The following LRPAP1 variants were observed in gnomAD, a reference collection of about 807,000 sequenced individuals.
LRPAP1 encodes the protein alpha-2-macroglobulin receptor-associated protein.
A neutral mutation model predicts 39.9 loss-of-function variants in LRPAP1; 41 were observed. The ratio of observed to expected loss-of-function variants is 1.03; its 90% CI spans 0.80 to 1.33. The LOEUF is 1.33. Among genes scored for constraint, LRPAP1 ranks in the 40% most tolerant of loss-of-function variants. The pLI, the probability that LRPAP1 is intolerant of heterozygous loss-of-function variation, is 0.00. For synonymous variants in LRPAP1, 263 were observed against 212.7 expected, an observed-to-expected ratio of 1.24 and a Z score of -2.06; for missense variants, 565 against 482.3, an observed-to-expected ratio of 1.17 and a Z score of -1.61.
chr4:3,529,270 C>T (rs909833835), intron 1 of LRPAP1, among the ~76,000 whole-genome samples: 2 of 152,026 alleles, frequency 1.3e-5, no homozygotes, highest in Non-Finnish European at 2.9e-5. Context: ...TTGCAGTGAG[C>T]CGAGATCACG....
rs190269929 is a variant in LRPAP1, at chr4:3,511,491, C to G, written c.*1483G>C. ...GAAAAAAAAGAACCAGAATCCACCC[C>G]CCGCCCCACCAGCCACACACACACA... On this transcript the variant is annotated 3_prime_UTR_variant, in exon 8 of 8. Transcript: ENST00000650182. 6.6e-6 allele frequency: 1 copy of G among 152,222 alleles called. No individual in the cohort carries two copies. The highest frequency in any genetic ancestry group is 1.5e-5 in the Non-Finnish European group (1 of 68,090). 9.4% of individuals were successfully genotyped at this position (152,222 alleles called of 1,614,324 possible).
chr4:3,531,650 G>A (rs748547174), intron 1 of LRPAP1, among the ~76,000 whole-genome samples: 12 of 152,188 alleles, frequency 7.9e-5, no homozygotes, highest in South Asian at 2.1e-4. Flanking sequence ...TGAAGGAGAG[G>A]TCAGGTGAGC....
At position 3,506,953 on chromosome 4, in the gene LRPAP1, C is replaced by T. The variant is rs1354519960; in HGVS notation, c.*6021G>A. 1 of 152,216 alleles carries T rather than the reference C, an allele frequency of 6.6e-6. No homozygotes were observed. Among genetic ancestry groups the T allele is most frequent in the Non-Finnish European group, 1.5e-5 (1 of 68,034 alleles). 9.4% of individuals were successfully genotyped at this position (152,216 alleles called of 1,614,324 possible). A position where few individuals can be genotyped will look rare whatever the true frequency, so the allele number is the denominator to read the frequency against. ...ACCAGGCTGGGTGTGGCGGCTCCCG[C>T]CACCTGTAATCCTGGCACTCCGCGA... On this transcript the variant is annotated 3_prime_UTR_variant, in exon 8 of 8. Transcript: ENST00000650182.
intron 2 of LRPAP1, among the ~76,000 whole-genome samples, chr4:3,520,761 C>G (rs1329643584): frequency 6.6e-6 from 1 of 152,230 alleles, no homozygotes; most frequent in African/African-American, 2.4e-5. Flanking sequence ...CAGCTTCTAA[C>G]AAAAAGTTAC....
intron 2 of LRPAP1, among the ~76,000 whole-genome samples, chr4:3,522,464 G>A (rs1030938563): frequency 6.9e-6 from 1 of 145,836 alleles, no homozygotes; most frequent in African/African-American, 2.5e-5. Context: ...CAGGAGCACC[G>A]AGCCCTTAGA....
chr4:3,518,234 C>T lies in LRPAP1; in HGVS notation c.593-42G>A, dbSNP rs772712053. 1.5e-5 allele frequency: 23 copies of T among 1,580,194 alleles called. 1 individual carries two copies. The Admixed American group carries it at 1.7e-4, about 12-fold the overall frequency. ...AGGACGCCATGAGGCTGGGAGTCCT[C>T]GCACTGCCTGCCCAGACCACTGTCT... On this transcript the variant is annotated intron_variant, in intron 4 of 7. Coordinates refer to ENST00000650182, the MANE Select transcript of LRPAP1 (RefSeq NM_002337.4).
At position 3,518,194 on chromosome 4, in the gene LRPAP1, T is replaced by A; in HGVS notation, c.593-2A>T. 1 of 1,608,446 alleles carries A rather than the reference T, an allele frequency of 6.2e-7. No individual in the cohort carries two copies. The highest frequency in any genetic ancestry group is 8.5e-7 in the Non-Finnish European group (1 of 1,176,116). ...GGCTAATGACGTTCTCGTGGATTTC[T>A]GTAAAACCGAAGGCAGGACGCCATG... is the stretch of plus-strand genomic sequence containing the variant. On this transcript the variant is annotated splice_acceptor_variant, in intron 4 of 7. Transcript: ENST00000650182. LOFTEE classifies it high-confidence loss of function.
At chr4:3,515,487 G>A (rs1414579964) in intron 6 of LRPAP1, among the ~76,000 whole-genome samples, 2 of 152,152 alleles carry the variant, frequency 1.3e-5, no homozygotes, top group Non-Finnish European at 2.9e-5. Flanking sequence ...CTGGGGCCAG[G>A]AAAGTCCCAA....
Position 3,514,753 on chromosome 4 carries a change from G to C in LRPAP1, c.1010C>G (p.Thr337Arg), listed in dbSNP as rs140565543. Residue 337 changes from threonine (T) to arginine (R), a missense_variant and splice_region_variant, in exon 7 of 8, where the codon ACG becomes AGG. By Grantham distance (71) the Thr-to-Arg change is moderately conservative. Coordinates refer to ENST00000650182, the MANE Select transcript of LRPAP1 (RefSeq NM_002337.4). ...CCCGGTCCTGGAACCCGTGCGCACC[G>C]TGTAGCCCAGCTCCTTGGTCCGCCC... ...LEGRTKELGY[T>R]VKKHLQDLSG... is the part of the protein sequence containing the mutation. 5.2e-5 allele frequency: 83 copies of C among 1,605,950 alleles called. No individual in the cohort carries two copies. Among genetic ancestry groups the C allele is most frequent in the East Asian group, 4.5e-5 (2 of 44,772 alleles).
chr4:3,528,568 C>T (rs1391848707), intron 1 of LRPAP1, among the ~76,000 whole-genome samples: 6 of 152,348 alleles, frequency 3.9e-5, no homozygotes, highest in Admixed American at 3.3e-4. Flanking sequence ...CCACCAGGAC[C>T]GCCAATGGAC....
In LRPAP1 at chr4:3,512,828, C is replaced by T. The variant is rs1041217924; in HGVS notation, c.*146G>A. On this transcript the variant is annotated 3_prime_UTR_variant, in exon 8 of 8. Coordinates refer to ENST00000650182, the MANE Select transcript of LRPAP1 (RefSeq NM_002337.4). ...CCCTGTGTCGCGACGGCAGCGGCTG[C>T]AGTCACCAGAAACAATCCTTCCTGC... 13 of 651,746 alleles carry T rather than the reference C, an allele frequency of 2.0e-5. No homozygotes were observed. The highest frequency in any genetic ancestry group is 1.8e-4 in the African/African-American group (10 of 54,970). 40.4% of individuals were successfully genotyped at this position (651,746 alleles called of 1,614,324 possible). A position where few individuals can be genotyped will look rare whatever the true frequency, so the allele number is the denominator to read the frequency against.
chr4:3,512,919 A>C lies in LRPAP1; in HGVS notation c.*55T>G. The C allele has an allele frequency of 6.6e-7, 1 of 1,521,554 alleles. No individual in the cohort carries two copies. Among genetic ancestry groups the C allele is most frequent in the Non-Finnish European group, 8.9e-7 (1 of 1,119,526 alleles). 94.3% of individuals were successfully genotyped at this position (1,521,554 alleles called of 1,614,324 possible). On this transcript the variant is annotated 3_prime_UTR_variant, in exon 8 of 8. Transcript: ENST00000650182. ...TGTCCACGGAAATGCCACGGCCAAG[A>C]GCCCAGGTCCTTCACGCTGGCCTCT...
chr4:3,515,945 C>G (rs138974691), intron 6 of LRPAP1, 171 bp downstream of exon 6: 2 of 656,630 alleles, frequency 3.0e-6, no homozygotes, highest in Non-Finnish European at 2.6e-6. Flanking sequence ...CACGAGTTCC[C>G]ACGCAGATGA....
At chr4:3,532,157 A>G (rs369413209) in intron 1 of LRPAP1, 52 bp downstream of exon 1, 3 of 1,539,228 alleles carry the variant, frequency 1.9e-6, no homozygotes, top group Non-Finnish European at 8.8e-7. Flanking sequence ...AACGACCCCA[A>G]CCACGGCCCC....
At chr4:3,525,694 C>T (rs1200198034) in intron 1 of LRPAP1, among the ~76,000 whole-genome samples, 2 of 152,214 alleles carry the variant, frequency 1.3e-5, no homozygotes, top group Non-Finnish European at 2.9e-5. Flanking sequence ...CCCGCCCCAC[C>T]CTCATCCCTC....
intron 2 of LRPAP1, among the ~76,000 whole-genome samples, chr4:3,521,248 C>T (rs1375839358): frequency 6.6e-6 from 1 of 152,228 alleles, no homozygotes; most frequent in East Asian, 1.9e-4. Context: ...GCCTTCCCCT[C>T]CGGGCCGAGA....
At chr4:3,516,282 G>C in intron 5 of LRPAP1, 84 bp from the exon 6 acceptor site, 2 of 1,077,044 alleles carry the variant, frequency 1.9e-6, no homozygotes, top group East Asian at 5.9e-5. Context: ...CTGAGTGTGC[G>C]TGGAGCCTAT....
At position 3,528,114 on chromosome 4, in the gene LRPAP1, G is replaced by A. The variant is rs572015433; in HGVS notation, c.205-3063C>T. On this transcript the variant is annotated intron_variant, in intron 1 of 7. Coordinates refer to ENST00000650182, the MANE Select transcript of LRPAP1 (RefSeq NM_002337.4). Reference sequence around the variant, plus strand: ...GCAGAGGAAGACCAGCAGGTCACGTGCAGACCCCAGACCCCACGTCTGGAT... The same window carrying A: ...GCAGAGGAAGACCAGCAGGTCACGTACAGACCCCAGACCCCACGTCTGGAT... Among the ~76,000 whole-genome samples the A allele has an allele frequency of 2.6e-5, 4 of 152,320 alleles. No individual in the cohort carries two copies. In the South Asian group the frequency reaches 6.2e-4, roughly 24 times the overall value.
rs1472506280 is a variant in LRPAP1, at chr4:3,515,178, C to T, written c.835-250G>A. On this transcript the variant is annotated intron_variant, in intron 6 of 7. Transcript: ENST00000650182. ...CTCTGCAAATGGCACCCCCGCCCCC[C>T]GAATCTAGGGGGCCTCCAGCTCGTT... is the stretch of plus-strand genomic sequence containing the variant. 3.3e-5 allele frequency among the ~76,000 whole-genome samples: 5 copies of T among 152,138 alleles called. 1 individual carries two copies. The highest frequency in any genetic ancestry group is 1.9e-4 in the East Asian group (1 of 5,184).
Sources: gnomAD v4.1 joint callset for allele counts (sites outside exome capture counted in the v4.1 genomes callset) on GRCh38, gnomAD v4.1.1 for gene constraint, MANE v1.5 for transcripts, NCBI Gene and HGNC (gene_info 2026-07-23, HGNC 2026-07-21) for gene names.